Variants in MINDY1 observed in about 807,000 individuals in gnomAD.
MINDY1 encodes the protein ubiquitin carboxyl-terminal hydrolase MINDY-1.
Under a neutral mutation model 53.6 loss-of-function variants are expected in MINDY1, and 50 were observed. The ratio of observed to expected loss-of-function variants is 0.93; its 90% CI spans 0.74 to 1.18. MINDY1 has a LOEUF of 1.18. Ranked by LOEUF, MINDY1 falls within the 50% of genes most tolerant of loss-of-function variation. MINDY1 has a pLI of 0.00. For missense variants in MINDY1, 484 were observed against 578.6 expected (o/e 0.84, Z 1.68); for synonymous variants, 231 against 234.7 (o/e 0.98, Z 0.14).
chr1:151,006,834 A>G lies in MINDY1; in HGVS notation c.-612T>C. ...GCAGAGAGGGAGCGAGAAACAGGAG[A>G]GAAAAACAACAGACCCTTTCTCTTC... On this transcript the variant is annotated 5_prime_UTR_variant, in exon 1 of 10. Transcript: ENST00000683666. The G allele has an allele frequency of 1.0e-6, 1 of 985,518 alleles. No homozygotes were observed. The highest frequency in any genetic ancestry group is 1.2e-6 in the Non-Finnish European group (1 of 830,010). 61.0% of individuals were successfully genotyped at this position (985,518 alleles called of 1,614,324 possible). A position where few individuals can be genotyped will look rare whatever the true frequency, so the allele number is the denominator to read the frequency against.
chr1:151,002,810 C>T lies in MINDY1; in HGVS notation c.-89-104G>A, dbSNP rs1672736400. 12 of 1,461,314 alleles carry T rather than the reference C, an allele frequency of 8.2e-6. No individual in the cohort carries two copies. The South Asian group carries it at 1.6e-4, about 19-fold the overall frequency. The allele number at this position is 1,461,314 out of a possible 1,614,324, so 90.5% of individuals were successfully genotyped here. ...AGGCTGGCTAGTGTTTGTGCAGTAACTCCTGGCTATGGGCAGTATATGTGT... is the reference window on the plus strand; with the variant it reads ...AGGCTGGCTAGTGTTTGTGCAGTAATTCCTGGCTATGGGCAGTATATGTGT... On this transcript the variant is annotated intron_variant, in intron 1 of 9. Coordinates refer to ENST00000683666, the MANE Select transcript of MINDY1 (RefSeq NM_001376665.1). The surrounding 1 kb of genome is among the most constrained non-coding windows in gnomAD (Gnocchi z 4.1).
Position 150,997,756 on chromosome 1 carries a change from C to T in MINDY1, c.1197G>A (p.Leu399=). The change falls in exon 9 of 10, where the codon CTG becomes CTA. Residue 399 remains leucine, a synonymous_variant. Coordinates refer to ENST00000683666, the MANE Select transcript of MINDY1 (RefSeq NM_001376665.1). ...VDQDYLIALS[L]QQQQPRGPLG... is the part of the protein sequence containing the mutation. ...GCGGGCCTCGTGGCTGTTGCTGCTG[C>T]AGGGACAGAGCAATCAGGTAGTCCT... The T allele has an allele frequency of 6.2e-7, 1 of 1,613,658 alleles. No individual in the cohort carries two copies. Among genetic ancestry groups the T allele is most frequent in the South Asian group, 1.1e-5 (1 of 91,054 alleles).
At chr1:151,007,503 A>G (rs892841197), upstream of MINDY1, among the ~76,000 whole-genome samples, 2 of 152,134 alleles carry the variant, frequency 1.3e-5, no homozygotes, top group African/African-American at 4.8e-5. Flanking sequence ...ACTCCGTCTC[A>G]AAAAGAAGAA....
rs1672351865 is a variant in MINDY1 at position 150,999,962 on chromosome 1, A to G, written c.738T>C (p.Ser246=). The part of the protein sequence containing the change: ...LYHGWLVDPQ[S]PEAVRAVGKL... ...TCCCAACTGCACGCACAGCCTCAGG[A>G]CTCTGCTTGGGTAGTGGGATGTGGG... is the stretch of plus-strand genomic sequence containing the variant. The change falls in exon 6 of 10, where the codon AGT becomes AGC. Residue 246 remains serine, a splice_region_variant and synonymous_variant. Transcript: ENST00000683666. This position sits in a 1 kb window ranked among gnomAD's most constrained non-coding sequence, Gnocchi z 4.4. 3.1e-6 allele frequency: 5 copies of G among 1,612,830 alleles called. No individual in the cohort carries two copies. The East Asian group carries it at 1.1e-4, about 36-fold the overall frequency.
rs373663630 is a variant in MINDY1 at position 150,998,174 on chromosome 1, C to T, written c.1081G>A (p.Asp361Asn). 77 of 1,614,048 alleles carry T rather than the reference C, an allele frequency of 4.8e-5. No homozygotes were observed. Among genetic ancestry groups the T allele is most frequent in the Middle Eastern group, 1.6e-4 (1 of 6,084 alleles). ...HNVDGDSCFCDSDFHLSHSLG... is the reference protein window; with the variant it reads ...HNVDGDSCFCNSDFHLSHSLG... Reference sequence around the variant, plus strand: ...GAATGACTCAGGTGAAAGTCAGAGTCACAAAAGCAGCTGTCTCCATCCACA... The same window carrying T: ...GAATGACTCAGGTGAAAGTCAGAGTTACAAAAGCAGCTGTCTCCATCCACA... The change falls in exon 8 of 10, where the codon GAC becomes AAC. Residue 361 changes from aspartate to asparagine, a missense_variant. Asp to Asn is a conservative substitution (Grantham distance 23, BLOSUM62 1). Transcript: ENST00000683666.
At chr1:150,998,020 T>C (rs1274096022) in intron 8 of MINDY1, 62 bp downstream of exon 8, 5 of 1,504,874 alleles carry the variant, frequency 3.3e-6, no homozygotes, top group East Asian at 2.3e-5. Context: ...TTAAAATGTA[T>C]GCAGTAAAAA....
At chr1:150,998,363 T>A in intron 7 of MINDY1, 90 bp from the exon 8 acceptor site, 1 of 1,218,582 alleles carries the variant, frequency 8.2e-7, no homozygotes. Context: ...TGTGGACTTT[T>A]TTTTTCTTGG....
At chr1:151,008,212 T>G, upstream of MINDY1, 2 of 1,105,686 alleles carry the variant, frequency 1.8e-6, no homozygotes, top group South Asian at 2.3e-5. Flanking sequence ...GAGGGAAAGT[T>G]CAGATGCCAC....
At chr1:150,998,386 G>C (rs145714012) in intron 7 of MINDY1, 113 bp from the exon 8 acceptor site, 1 of 966,204 alleles carries the variant, frequency 1.0e-6, no homozygotes, top group East Asian at 2.5e-5. Flanking sequence ...ATGGAGTCTC[G>C]CTCTGTCATC....
chr1:150,998,046 T>C (rs1672046735), intron 8 of MINDY1, 36 bp downstream of exon 8: 1 of 1,575,528 alleles, frequency 6.3e-7, no homozygotes, highest in Non-Finnish European at 8.6e-7. Flanking sequence ...CTGAGGCACA[T>C]GTGCTCTCTG....
At chr1:151,006,172 T>TTTA (rs1170503012) in intron 1 of MINDY1, 140 bp downstream of exon 1, 1 of 1,551,540 alleles carries the variant, frequency 6.4e-7, no homozygotes, top group Non-Finnish European at 8.7e-7. Flanking sequence ...TACATGTCTC[T>TTTA]CCTGACTTAG....
In MINDY1 at chr1:151,000,584, T is replaced by A; in HGVS notation, c.608A>T (p.Lys203Ile). The change falls in exon 5 of 10, where the codon AAA becomes ATA. Residue 203 changes from lysine (K) to isoleucine (I), a missense_variant. Physicochemically the swap from Lys to Ile is moderately radical, Grantham distance 102. Coordinates refer to ENST00000683666, the MANE Select transcript of MINDY1 (RefSeq NM_001376665.1). ...ATTGACATCCAGACCTGTGGCCAGT[T>A]TAGGCAGCACTGTCATTGCATCATC... ...NVDDAMTVLPKLATGLDVNVR... is the reference protein window; with the variant it reads ...NVDDAMTVLPILATGLDVNVR... The A allele has an allele frequency of 6.2e-7, 1 of 1,613,716 alleles. No individual in the cohort carries two copies. Among genetic ancestry groups the A allele is most frequent in the Non-Finnish European group, 8.5e-7 (1 of 1,179,888 alleles).
rs762341074 is a variant in MINDY1 at position 150,999,418 on chromosome 1, A to G, written c.932T>C (p.Leu311Pro). The G allele has an allele frequency of 3.7e-6, 6 of 1,614,032 alleles. No individual in the cohort carries two copies. Among genetic ancestry groups the G allele is most frequent in the Middle Eastern group, 1.6e-4 (1 of 6,084 alleles). ...ELTAAAKEGE[L>P]SVFFRNNHFS... The stretch of plus-strand genomic sequence containing the variant: ...GTGGTTGTTTCGGAAAAAGACGCTA[A>G]GTTCACCCTCCTTAGCAGCTGCTGT... The change falls in exon 7 of 10, where the codon CTT becomes CCT. Residue 311 changes from leucine to proline, a missense_variant. Leu to Pro is a moderately conservative substitution (Grantham distance 98). Transcript: ENST00000683666. The surrounding 1 kb of genome is among the most constrained non-coding windows in gnomAD (Gnocchi z 4.4).
In MINDY1 at chr1:150,998,122, C is replaced by G; in HGVS notation, c.1133G>C (p.Gly378Ala). ...HSLGKGPGAE[G>A]GSGSPETQLQ... ...CTGCGTTTCTGGGGAGCCACTCCCACCTTCTGCTCCAGGCCCCTTGCCCAG... is the reference window on the plus strand; with the variant it reads ...CTGCGTTTCTGGGGAGCCACTCCCAGCTTCTGCTCCAGGCCCCTTGCCCAG... Residue 378 changes from glycine to alanine, a missense_variant, in exon 8 of 10, where the codon GGT becomes GCT. Physicochemically the swap from Gly to Ala is moderately conservative, Grantham distance 60. Transcript: ENST00000683666. The G allele has an allele frequency of 6.2e-7, 1 of 1,613,700 alleles. No individual in the cohort carries two copies. The highest frequency in any genetic ancestry group is 8.5e-7 in the Non-Finnish European group (1 of 1,179,992).
chr1:150,997,496 G>A (rs769197920), intron 9 of MINDY1, 128 bp downstream of exon 9: 3 of 1,556,226 alleles, frequency 1.9e-6, no homozygotes, highest in Non-Finnish European at 2.6e-6. Flanking sequence ...CCAGGGGAGA[G>A]GGACAGGCAG....
At position 151,001,777 on chromosome 1, in the gene MINDY1, C is replaced by G. The variant is rs150251845; in HGVS notation, c.459G>C (p.Lys153Asn). ...TGATCACTTCCTTCTGCGGGGGGAG[C>G]TTCACCTGGAGGCAGAAGGGGTGAT... ...MNILFLQWKV[K>N]LPPQKEVITS... Residue 153 changes from lysine (K) to asparagine (N), a missense_variant, in exon 3 of 10, where the codon AAG (lysine) becomes AAC (asparagine). Coordinates refer to ENST00000683666, the MANE Select transcript of MINDY1 (RefSeq NM_001376665.1). 15 of 1,597,764 alleles carry G rather than the reference C, an allele frequency of 9.4e-6. No individual in the cohort carries two copies. Among genetic ancestry groups the G allele is most frequent in the Admixed American group, 3.6e-5 (2 of 55,022 alleles).
intron 1 of MINDY1, among the ~76,000 whole-genome samples, chr1:151,005,255 C>T (rs1213650765): frequency 1.3e-5 from 2 of 151,982 alleles, no homozygotes; most frequent in African/African-American, 2.4e-5. Flanking sequence ...AGCTCAAGAT[C>T]GGCCTGGCTA....
chr1:151,001,308 C>T lies in MINDY1; in HGVS notation c.518G>A (p.Cys173Tyr), dbSNP rs144531908. The change falls in exon 4 of 10, where the codon TGC (cysteine) becomes TAC (tyrosine). Residue 173 changes from cysteine to tyrosine, a missense_variant. Transcript: ENST00000683666. ...CTCCTGGGGCTTGATGGACAGGAGG[C>T]AGTTTCCTACAAGACAGGGCCCCTT... is the stretch of plus-strand genomic sequence containing the variant. ...SDELMAHLGN[C>Y]LLSIKPQEKS... 82 of 1,614,032 alleles carry T rather than the reference C, an allele frequency of 5.1e-5. No homozygotes were observed. The highest frequency in any genetic ancestry group is 6.7e-5 in the Non-Finnish European group (79 of 1,180,024).
chr1:150,999,856 T>C lies in MINDY1; in HGVS notation c.838+6A>G, dbSNP rs768894413. The C allele has an allele frequency of 3.7e-6, 6 of 1,609,794 alleles. No homozygotes were observed. The East Asian group carries it at 1.3e-4, about 36-fold the overall frequency. On this transcript the variant is annotated splice_donor_region_variant and intron_variant, in intron 6 of 9. Coordinates refer to ENST00000683666, the MANE Select transcript of MINDY1 (RefSeq NM_001376665.1). This position sits in a 1 kb window ranked among gnomAD's most constrained non-coding sequence, Gnocchi z 4.4. ...ATACTATCCATGAGAAGGGGAGGAATGTCACCTTCTGTCACGAGGTTGGTG... is the reference window on the plus strand; with the variant it reads ...ATACTATCCATGAGAAGGGGAGGAACGTCACCTTCTGTCACGAGGTTGGTG...
Sources: gnomAD v4.1 joint callset for allele counts (sites outside exome capture counted in the v4.1 genomes callset) on GRCh38, gnomAD v4.1.1 for gene constraint, Gnocchi (gnomAD v3.1) non-coding constraint, MANE v1.5 for transcripts, NCBI Gene and HGNC (gene_info 2026-07-23, HGNC 2026-07-21) for gene names.